DLD: variants seen among roughly 807,000 people sequenced by gnomAD.
DLD encodes dihydrolipoyl dehydrogenase, mitochondrial.
A neutral mutation model predicts 62.2 loss-of-function variants in DLD; 36 were observed. That is an observed-to-expected ratio of 0.58 (90% confidence interval 0.44 to 0.76). DLD has a LOEUF of 0.76. Ranked by LOEUF, DLD falls within the 30% of genes least tolerant of loss-of-function variation. DLD has a pLI of 0.00. For synonymous variants in DLD, 204 were observed against 199.6 expected, an observed-to-expected ratio of 1.02 and a Z score of -0.19; for missense variants, 541 against 608.6, an observed-to-expected ratio of 0.89 and a Z score of 1.17.
Position 107,901,766 on chromosome 7 carries a change from T to C in DLD, c.147T>C (p.Ser49=). The change falls in exon 3 of 14, where the codon TCT becomes TCC. Residue 49 remains serine (S), a synonymous_variant. Coordinates refer to ENST00000205402, the MANE Select transcript of DLD (RefSeq NM_000108.5). The part of the protein sequence containing the change: ...PIDADVTVIG[S]GPGGYVAAIK... ...ATGCTGATGTAACAGTTATAGGTTC[T>C]GGTCCTGGAGGATATGTTGCTGCTA... 1 of 1,613,736 alleles carries C rather than the reference T, an allele frequency of 6.2e-7. No individual in the cohort carries two copies. Among genetic ancestry groups the C allele is most frequent in the Non-Finnish European group, 8.5e-7 (1 of 1,179,718 alleles).
chr7:107,904,448 G>T (rs1333981006), intron 5 of DLD, among the ~76,000 whole-genome samples: 4 of 152,096 alleles, frequency 2.6e-5, no homozygotes, highest in Non-Finnish European at 5.9e-5. Context: ...ATTGAGTTGA[G>T]CATTTTTATC....
chr7:107,899,390 A>G (rs143542544), intron 2 of DLD, among the ~76,000 whole-genome samples: 12 of 151,530 alleles, frequency 7.9e-5, no homozygotes, highest in African/African-American at 2.7e-4. Context: ...CTAAGATTAC[A>G]TAGTGAATAG....
chr7:107,915,593 T>C lies in DLD; in HGVS notation c.772T>C (p.Ser258Pro). The part of the protein sequence containing the change: ...VGGVGIDMEI[S>P]KNFQRILQKQ... ...TGGAGTTGGAATTGATATGGAGATA[T>C]CTAAAAACTTTCAACGCATCCTTCA... The change falls in exon 9 of 14, where the codon TCT becomes CCT. Residue 258 changes from serine (S) to proline (P), a missense_variant. Ser to Pro is a moderately conservative substitution (Grantham distance 74). Transcript: ENST00000205402. The C allele has an allele frequency of 3.1e-6, 5 of 1,613,852 alleles. No individual in the cohort carries two copies. The highest frequency in any genetic ancestry group is 3.4e-6 in the Non-Finnish European group (4 of 1,179,864).
rs756535329 is a variant in DLD, at chr7:107,916,865, G to A, written c.947G>A (p.Arg316Gln). Residue 316 changes from arginine to glutamine, a missense_variant, in exon 10 of 14, where the codon CGA becomes CAA. Physicochemically the swap from Arg to Gln is conservative, Grantham distance 43. Coordinates refer to ENST00000205402, the MANE Select transcript of DLD (RefSeq NM_000108.5). ...CDVLLVCIGR[R>Q]PFTKNLGLEE... is the part of the protein sequence containing the mutation. The stretch of plus-strand genomic sequence containing the variant: ...GTACTCTTGGTTTGCATTGGCCGAC[G>A]ACCCTTTACTAAGAATTTGGGACTA... 1.1e-5 allele frequency: 18 copies of A among 1,613,148 alleles called. No individual in the cohort carries two copies. Among genetic ancestry groups the A allele is most frequent in the Non-Finnish European group, 1.5e-5 (18 of 1,179,916 alleles).
At position 107,916,805 on chromosome 7, in the gene DLD, C is replaced by T. The variant is rs1345128629; in HGVS notation, c.887C>T (p.Ala296Val). Residue 296 changes from alanine (A) to valine (V), a missense_variant, in exon 10 of 14, where the codon GCT (alanine) becomes GTT (valine). Ala to Val is a moderately conservative substitution (Grantham distance 64, BLOSUM62 0). Coordinates refer to ENST00000205402, the MANE Select transcript of DLD (RefSeq NM_000108.5). ...DGKIDVSIEAASGGKAEVITC... is the reference protein window; with the variant it reads ...DGKIDVSIEAVSGGKAEVITC... ...TGTTTGTTATCTAGTATTGAAGCTG[C>T]TTCTGGTGGTAAAGCTGAAGTTATC... 1 of 1,612,990 alleles carries T rather than the reference C, an allele frequency of 6.2e-7. No individual in the cohort carries two copies. The highest frequency in any genetic ancestry group is 8.5e-7 in the Non-Finnish European group (1 of 1,179,862).
intron 2 of DLD, among the ~76,000 whole-genome samples, chr7:107,900,511 G>T (rs1480186817): frequency 2.0e-5 from 3 of 152,012 alleles, no homozygotes; most frequent in Admixed American, 1.3e-4. Flanking sequence ...GATGAAGCAG[G>T]TTAAATTACT....
intron 8 of DLD, among the ~76,000 whole-genome samples, chr7:107,910,892 G>A (rs1302982177): frequency 1.3e-5 from 2 of 152,108 alleles, no homozygotes; most frequent in African/African-American, 2.4e-5. Context: ...CCAAGATGAT[G>A]TTTCTTATTT....
chr7:107,912,424 G>A (rs1029703210), intron 8 of DLD, among the ~76,000 whole-genome samples: 5 of 152,070 alleles, frequency 3.3e-5, no homozygotes, highest in African/African-American at 4.8e-5. Context: ...CACAGTGGCT[G>A]TACTAACTTA....
intron 8 of DLD, among the ~76,000 whole-genome samples, chr7:107,908,600 T>C (rs920622927): frequency 2.6e-5 from 4 of 151,438 alleles, no homozygotes; most frequent in South Asian, 4.2e-4. Flanking sequence ...CCTGGGAGTT[T>C]GAGGCTGTAG....
In DLD at chr7:107,906,294, A is replaced by G; in HGVS notation, c.610A>G (p.Thr204Ala). 6.2e-7 allele frequency: 1 copy of G among 1,602,734 alleles called. No individual in the cohort carries two copies. Among genetic ancestry groups the G allele is most frequent in the East Asian group, 2.2e-5 (1 of 44,750 alleles). Residue 204 changes from threonine to alanine, a missense_variant, in exon 8 of 14, where the codon ACA (threonine) becomes GCA (alanine). By Grantham distance (58) the Thr-to-Ala change is moderately conservative. Coordinates refer to ENST00000205402, the MANE Select transcript of DLD (RefSeq NM_000108.5). ...TIDEDTIVSS[T>A]GALSLKKVPE... is the part of the protein sequence containing the mutation. Reference sequence around the variant, plus strand: ...AGATGAAGATACAATAGTGTCATCTACAGGTGCTTTATCTTTAAAAAAAGT... The same window carrying G: ...AGATGAAGATACAATAGTGTCATCTGCAGGTGCTTTATCTTTAAAAAAAGT...
intron 10 of DLD, 52 bp downstream of exon 10, chr7:107,917,016 C>T (rs2032287648): frequency 6.4e-7 from 1 of 1,570,028 alleles, no homozygotes; most frequent in Non-Finnish European, 8.7e-7. Context: ...TGATTTCAAA[C>T]AGTATTTTGA....
rs978394801 is a variant in DLD, at chr7:107,893,391, A to G, written c.118+113A>G. Reference sequence around the variant, plus strand: ...ACTTATGTTAAGTGTCTTATAGTTCATTTGTTCATGTATTTATTCGTTTGA... The same window carrying G: ...ACTTATGTTAAGTGTCTTATAGTTCGTTTGTTCATGTATTTATTCGTTTGA... On this transcript the variant is annotated intron_variant, in intron 2 of 13. Coordinates refer to ENST00000205402, the MANE Select transcript of DLD (RefSeq NM_000108.5). The G allele has an allele frequency of 1.5e-5, 12 of 797,588 alleles. No individual in the cohort carries two copies. In the African/African-American group the frequency reaches 1.9e-4, roughly 13 times the overall value. The allele number at this position is 797,588 out of a possible 1,614,324, so 49.4% of individuals were successfully genotyped here.
chr7:107,893,263 T>TAA lies in DLD; in HGVS notation c.104_105insAA (p.Tyr35Ter). 2 of 1,613,240 alleles carry TAA rather than the reference T, an allele frequency of 1.2e-6. No homozygotes were observed. Among genetic ancestry groups the TAA allele is most frequent in the Non-Finnish European group, 1.7e-6 (2 of 1,179,528 alleles). Reference protein sequence around the residue: ...QGLSAVPLRTYADQPIDADVT... With the variant: ...QGLSAVPLRT ...ACTTTCTGCAGTGCCTCTGAGAACTTACGCAGATCAGCCGAGTAAGTACTT... is the reference window on the plus strand; with the variant it reads ...ACTTTCTGCAGTGCCTCTGAGAACTTAAACGCAGATCAGCCGAGTAAGTACTT... The change falls in exon 2 of 14, where the codon TAC becomes TAAAC. Residue 35 changes from tyrosine to a stop codon, truncating the protein, a stop_gained and frameshift_variant. Transcript: ENST00000205402. LOFTEE classifies it high-confidence loss of function.
chr7:107,905,465 A>T lies in DLD; in HGVS notation c.543A>T (p.Ile181=), dbSNP rs61749952. ...TTATTGATACAAAGAACATTCTTAT[A>T]GCCACGGGTTCAGAAGTTACTCCTT... The part of the protein sequence containing the change: ...TQVIDTKNIL[I]ATGSEVTPFP... Residue 181 remains isoleucine (I), a synonymous_variant, in exon 7 of 14, where the codon ATA becomes ATT. Coordinates refer to ENST00000205402, the MANE Select transcript of DLD (RefSeq NM_000108.5). 8,021 of 1,613,824 alleles carry T rather than the reference A, an allele frequency of 5.0e-3. 29 individuals carry two copies. Among genetic ancestry groups the T allele is most frequent in the Admixed American group, 6.3e-3 (377 of 60,018 alleles).
intron 1 of DLD, among the ~76,000 whole-genome samples, chr7:107,892,273 A>G (rs73193742): frequency 0.04 from 6,115 of 152,230 alleles, 154 homozygotes; most frequent in Middle Eastern, 0.068. Flanking sequence ...CCGTCCACAT[A>G]TAGAGATTAG....
At chr7:107,893,339 A>C in intron 2 of DLD, 61 bp downstream of exon 2, 1 of 1,257,740 alleles carries the variant, frequency 8.0e-7, no homozygotes, top group South Asian at 1.3e-5. Flanking sequence ...TTCTATTTCA[A>C]TGTAAAAGCA....
At chr7:107,910,243 G>A (rs1425634001) in intron 8 of DLD, among the ~76,000 whole-genome samples, 2 of 152,044 alleles carry the variant, frequency 1.3e-5, no homozygotes, top group Non-Finnish European at 2.9e-5. Context: ...ATTCTACTTT[G>A]TTCTCATAGT....
At chr7:107,894,368 T>G (rs998515729) in intron 2 of DLD, among the ~76,000 whole-genome samples, 15 of 152,236 alleles carry the variant, frequency 9.9e-5, no homozygotes, top group African/African-American at 3.6e-4. Context: ...TATCCTCAAC[T>G]GTTATCCAAC....
chr7:107,917,860 A>G, intron 11 of DLD, 64 bp from the exon 12 acceptor site: 1 of 1,603,016 alleles, frequency 6.2e-7, no homozygotes, highest in Non-Finnish European at 8.5e-7. Flanking sequence ...ATGGTAGATG[A>G]TTTTACAAAT....
Sources: gnomAD v4.1 joint callset for allele counts (sites outside exome capture counted in the v4.1 genomes callset) on GRCh38, gnomAD v4.1.1 for gene constraint, MANE v1.5 for transcripts, NCBI Gene and HGNC (gene_info 2026-07-23, HGNC 2026-07-21) for gene names.